Variants in SEMA5A observed in about 807,000 individuals in gnomAD.
The protein encoded by SEMA5A is semaphorin-5A.
A neutral mutation model predicts 135.5 loss-of-function variants in SEMA5A; 55 were observed. The ratio of observed to expected loss-of-function variants is 0.41; its 90% CI spans 0.33 to 0.51. SEMA5A has a LOEUF of 0.51. Among genes scored for constraint, SEMA5A ranks in the 20% least tolerant of loss-of-function variants. SEMA5A has a pLI of 0.37. For synonymous variants in SEMA5A, 580 were observed against 546.5 expected (o/e 1.06, Z -0.85); for missense variants, 1,290 against 1,419.9 (o/e 0.91, Z 1.47).
At chr5:9,207,915 AATAG>A (rs1157002839) in intron 8 of SEMA5A, among the ~76,000 whole-genome samples, 5 of 130,562 alleles carry the variant, frequency 3.8e-5, no homozygotes, top group East Asian at 2.0e-4. Flanking sequence ...ATAGATAGAT[AATAG>A]ATAGATTTTA....
At chr5:9,170,522 C>A (rs953786202) in intron 11 of SEMA5A, among the ~76,000 whole-genome samples, 5 of 152,038 alleles carry the variant, frequency 3.3e-5, no homozygotes, top group African/African-American at 1.2e-4. Context: ...TAAGTCCCAA[C>A]GTGGTCATAT....
At chr5:9,480,543 C>T (rs1489827762) in intron 1 of SEMA5A, among the ~76,000 whole-genome samples, 1 of 152,108 alleles carries the variant, frequency 6.6e-6, no homozygotes, top group Non-Finnish European at 1.5e-5. Context: ...TGGTGGCAAC[C>T]CTGCCTTTGT....
In SEMA5A at chr5:9,103,208, G is replaced by A. The variant is rs535354724; in HGVS notation, c.2073+4932C>T. 1.2e-4 allele frequency among the ~76,000 whole-genome samples: 18 copies of A among 152,142 alleles called. 1 individual carries two copies. The highest frequency in any genetic ancestry group is 3.6e-4 in the African/African-American group (15 of 41,502). On this transcript the variant is annotated intron_variant, in intron 16 of 22. Coordinates refer to ENST00000382496, the MANE Select transcript of SEMA5A (RefSeq NM_003966.3). ...ACCTAACTGGTTTTCTACAGGTCTC[G>A]ATTTTCTCATTTGGAAAATCAGGAA...
intron 12 of SEMA5A, among the ~76,000 whole-genome samples, chr5:9,141,281 T>A (rs1365140061): frequency 6.6e-6 from 1 of 152,248 alleles, no homozygotes; most frequent in African/African-American, 2.4e-5. Flanking sequence ...ATTGTGAAAG[T>A]GGCTTTTCTG....
intron 5 of SEMA5A, among the ~76,000 whole-genome samples, chr5:9,289,810 T>A (rs1248296804): frequency 6.6e-6 from 1 of 152,004 alleles, no homozygotes; most frequent in Non-Finnish European, 1.5e-5. Flanking sequence ...TGTCAATATC[T>A]TGTGCTCAAA....
Position 9,405,128 on chromosome 5 carries a change from T to C in SEMA5A, c.-77-25105A>G, listed in dbSNP as rs555048521. On this transcript the variant is annotated intron_variant, in intron 2 of 22. Transcript: ENST00000382496. ...TCCAGGAACGTTTTCTGAGACCGTG[T>C]GCACATCAAGAAACAAGAAACAAAA... 1.9e-3 allele frequency among the ~76,000 whole-genome samples: 283 copies of C among 152,326 alleles called. 1 individual carries two copies. Among genetic ancestry groups the C allele is most frequent in the African/African-American group, 6.6e-3 (274 of 41,586 alleles).
intron 13 of SEMA5A, among the ~76,000 whole-genome samples, chr5:9,129,448 G>A (rs1741285720): frequency 6.6e-6 from 1 of 152,184 alleles, no homozygotes; most frequent in African/African-American, 2.4e-5. Flanking sequence ...TGGGTCTTTG[G>A]GTGCAGGTTC....
At chr5:9,460,459 T>A (rs1759013589) in intron 1 of SEMA5A, among the ~76,000 whole-genome samples, 1 of 152,164 alleles carries the variant, frequency 6.6e-6, no homozygotes, top group South Asian at 2.1e-4. Flanking sequence ...AAAGTATTTT[T>A]AAAATCATAT....
intron 5 of SEMA5A, chr5:9,265,402 C>T (rs1749632077): frequency 8.8e-6 from 4 of 455,984 alleles, no homozygotes. Flanking sequence ...CAAGTCAATC[C>T]CATCCTTCTA....
chr5:9,119,115 G>A lies in SEMA5A; in HGVS notation c.1808C>T (p.Ser603Leu), dbSNP rs755630996. ...ACAGGTAGTGCTGCAGGGAGACCAC[G>A]AGGTCCAGGGAGTCCAGCCTCCGTT... is the stretch of plus-strand genomic sequence containing the variant. ...SRNGGWTPWT[S>L]WSPCSTTCGI... The change falls in exon 15 of 23, where the codon TCG (serine) becomes TTG (leucine). Residue 603 changes from serine to leucine, a missense_variant. By Grantham distance (145) the Ser-to-Leu change is moderately radical. Around this residue, in one of 3 missense-constraint regions of SEMA5A, gnomAD observed 1,029 missense variants for 1,086.6 expected, o/e 0.95. Transcript: ENST00000382496. 6.2e-7 allele frequency: 1 copy of A among 1,613,788 alleles called. No homozygotes were observed. The highest frequency in any genetic ancestry group is 8.5e-7 in the Non-Finnish European group (1 of 1,179,944).
chr5:9,063,753 G>A (rs996621932), intron 17 of SEMA5A, among the ~76,000 whole-genome samples: 1 of 152,170 alleles, frequency 6.6e-6, no homozygotes, highest in African/African-American at 2.4e-5. Flanking sequence ...TTCCCAAGGA[G>A]CCAAGAGAGG....
intron 16 of SEMA5A, among the ~76,000 whole-genome samples, chr5:9,068,040 T>C (rs1737570408): frequency 6.6e-6 from 1 of 152,240 alleles, no homozygotes; most frequent in South Asian, 2.1e-4. Context: ...TTTCTCCAAT[T>C]TGAGCACATT....
chr5:9,099,444 T>A (rs947760662), intron 16 of SEMA5A, among the ~76,000 whole-genome samples: 1 of 152,218 alleles, frequency 6.6e-6, no homozygotes, highest in Admixed American at 6.5e-5. Flanking sequence ...GGAGATCAAT[T>A]ATTCCCTTTA....
At chr5:9,051,851 T>G (rs1235631612) in intron 20 of SEMA5A, 22 bp downstream of exon 20, 3 of 1,613,816 alleles carry the variant, frequency 1.9e-6, no homozygotes, top group Non-Finnish European at 2.5e-6. Flanking sequence ...TTATTCTTAC[T>G]GATAAATACC....
At chr5:9,343,872 A>T (rs1753753022) in intron 3 of SEMA5A, among the ~76,000 whole-genome samples, 1 of 152,142 alleles carries the variant, frequency 6.6e-6, no homozygotes, top group African/African-American at 2.4e-5. Flanking sequence ...ATAAATCAGC[A>T]GCAACCCCAT....
At chr5:9,252,682 T>A (rs1748861807) in intron 5 of SEMA5A, among the ~76,000 whole-genome samples, 1 of 152,194 alleles carries the variant, frequency 6.6e-6, no homozygotes, top group African/African-American at 2.4e-5. Context: ...ATCCATCCAT[T>A]ATTCAAGCAC....
At position 9,531,091 on chromosome 5, in the gene SEMA5A, C is replaced by G. The variant is rs1737406700; in HGVS notation, c.-175+14493G>C. 2.0e-5 allele frequency among the ~76,000 whole-genome samples: 3 copies of G among 152,072 alleles called. No individual in the cohort carries two copies. In the South Asian group the frequency reaches 6.2e-4, roughly 32 times the overall value. On this transcript the variant is annotated intron_variant, in intron 1 of 22. Coordinates refer to ENST00000382496, the MANE Select transcript of SEMA5A (RefSeq NM_003966.3). ...AAGATGAATAATGTGGGTTTTGTCC[C>G]TAAAAAACTCCAGGAAGCATCTTGC...
chr5:9,481,480 T>A (rs1426580054), intron 1 of SEMA5A, among the ~76,000 whole-genome samples: 2 of 152,168 alleles, frequency 1.3e-5, no homozygotes, highest in African/African-American at 2.4e-5. Context: ...ATTATTTTTT[T>A]AAAATCATCA....
chr5:9,437,900 G>T (rs914371125), intron 1 of SEMA5A, 48 bp from the exon 2 acceptor site: 2 of 152,206 alleles, frequency 1.3e-5, no homozygotes, highest in African/African-American at 4.8e-5. Context: ...TTTAAAAGAG[G>T]ATGTGGTCAT....
Sources: gnomAD v4.1 joint callset for allele counts (sites outside exome capture counted in the v4.1 genomes callset) on GRCh38, gnomAD v4.1.1 for gene constraint, gnomAD v4.1.1 regional missense constraint, MANE v1.5 for transcripts, NCBI Gene and HGNC (gene_info 2026-07-23, HGNC 2026-07-21) for gene names.